ST6GALNAC3: variants seen among roughly 807,000 people sequenced by gnomAD.
ST6GALNAC3 encodes ST6 N-acetylgalactosaminide alpha-2,6-sialyltransferase 3.
Under a neutral mutation model 32.7 loss-of-function variants are expected in ST6GALNAC3, and 25 were observed. The observed-to-expected ratio is 0.76, with a 90% CI of 0.56 to 1.07. ST6GALNAC3 has a LOEUF of 1.07. Among genes scored for constraint, ST6GALNAC3 ranks in the 50% least tolerant of loss-of-function variants. The probability of loss-of-function intolerance (pLI) is 0.00; values close to 1 mark genes in which losing one functional copy is unlikely to be tolerated. For missense variants in ST6GALNAC3, 355 were observed against 382.4 expected, an observed-to-expected ratio of 0.93 and a Z score of 0.60; for synonymous variants, 129 against 133.1, an observed-to-expected ratio of 0.97 and a Z score of 0.21.
At chr1:76,089,244 GGTTTCACTGT>G (rs1314968579) in intron 1 of ST6GALNAC3, among the ~76,000 whole-genome samples, 2 of 151,922 alleles carry the variant, frequency 1.3e-5, no homozygotes, top group Non-Finnish European at 2.9e-5. Context: ...GAAGAGACGG[GGTTTCACTGT>G]GTTAGCCAGG....
chr1:76,185,646 T>C (rs1257052136), intron 1 of ST6GALNAC3, among the ~76,000 whole-genome samples: 2 of 152,166 alleles, frequency 1.3e-5, no homozygotes, highest in Non-Finnish European at 2.9e-5. Context: ...GCAGAAACTT[T>C]ATGGAGCACA....
intron 3 of ST6GALNAC3, among the ~76,000 whole-genome samples, chr1:76,483,666 T>C (rs1659892398): frequency 6.6e-6 from 1 of 152,230 alleles, no homozygotes; most frequent in African/African-American, 2.4e-5. Context: ...TTCCATTCTG[T>C]AGGTTGCCTG....
chr1:76,589,542 C>A (rs1647015198), intron 3 of ST6GALNAC3, among the ~76,000 whole-genome samples: 1 of 151,872 alleles, frequency 6.6e-6, no homozygotes, highest in Admixed American at 6.6e-5. Context: ...TATAAGAATT[C>A]AGACAATGAA....
intron 3 of ST6GALNAC3, among the ~76,000 whole-genome samples, chr1:76,445,647 T>C (rs1656918228): frequency 6.6e-6 from 1 of 152,188 alleles, no homozygotes; most frequent in African/African-American, 2.4e-5. Context: ...TGCATATATT[T>C]TGTGATATGG....
chr1:76,164,199 T>C (rs184433592), intron 1 of ST6GALNAC3, among the ~76,000 whole-genome samples: 4 of 152,322 alleles, frequency 2.6e-5, no homozygotes, highest in Admixed American at 2.0e-4. Context: ...GATATGCTGA[T>C]AGGCTGCTGC....
intron 1 of ST6GALNAC3, among the ~76,000 whole-genome samples, chr1:76,156,357 G>A (rs1333027939): frequency 3.3e-5 from 5 of 152,066 alleles, no homozygotes; most frequent in Non-Finnish European, 7.4e-5. Flanking sequence ...TAAGGAGGGG[G>A]AGTTATATTC....
intron 4 of ST6GALNAC3, 84 bp downstream of exon 4, chr1:76,627,643 C>T (rs1031981081): frequency 3.9e-6 from 4 of 1,025,558 alleles, no homozygotes; most frequent in Non-Finnish European, 6.0e-6. Flanking sequence ...TACCATAAAT[C>T]TGAGAAACAG....
At chr1:76,158,936 G>A (rs933116105) in intron 1 of ST6GALNAC3, among the ~76,000 whole-genome samples, 12 of 152,166 alleles carry the variant, frequency 7.9e-5, no homozygotes, top group African/African-American at 2.9e-4. Context: ...AAGCTGGCAA[G>A]GGACTGAGCC....
intron 1 of ST6GALNAC3, among the ~76,000 whole-genome samples, chr1:76,282,186 T>G (rs1659535422): frequency 6.6e-6 from 1 of 152,076 alleles, no homozygotes. Flanking sequence ...TTTCCTTCCC[T>G]TTGTCCTGCC....
At chr1:76,327,673 T>C (rs1647103618) in intron 2 of ST6GALNAC3, among the ~76,000 whole-genome samples, 1 of 152,178 alleles carries the variant, frequency 6.6e-6, no homozygotes, top group East Asian at 1.9e-4. Context: ...CACTGCAACC[T>C]CCACCTCCTG....
At chr1:76,412,515 T>C in intron 3 of ST6GALNAC3, 98 bp downstream of exon 3, 3 of 1,235,422 alleles carry the variant, frequency 2.4e-6, no homozygotes, top group Non-Finnish European at 3.3e-6. Flanking sequence ...CAGTTATTTA[T>C]TTACGCTGAT....
intron 3 of ST6GALNAC3, among the ~76,000 whole-genome samples, chr1:76,537,489 A>G (rs1547341): frequency 0.66 from 99,987 of 151,846 alleles, 34,507 homozygotes; most frequent in Non-Finnish European, 0.76. Context: ...TGAATGAGAT[A>G]GAGACATGAA....
At chr1:76,226,268 C>T (rs1176215213) in intron 1 of ST6GALNAC3, among the ~76,000 whole-genome samples, 1 of 152,240 alleles carries the variant, frequency 6.6e-6, no homozygotes, top group African/African-American at 2.4e-5. Flanking sequence ...TCCTAAGGTA[C>T]ATCTGTGATT....
At chr1:76,160,603 A>C (rs904135628) in intron 1 of ST6GALNAC3, among the ~76,000 whole-genome samples, 7 of 152,198 alleles carry the variant, frequency 4.6e-5, no homozygotes, top group Admixed American at 1.3e-4. Flanking sequence ...GTGTTCTACA[A>C]ACTAGCCAGG....
At chr1:76,120,244 G>T (rs1648782434) in intron 1 of ST6GALNAC3, among the ~76,000 whole-genome samples, 1 of 152,212 alleles carries the variant, frequency 6.6e-6, no homozygotes, top group Non-Finnish European at 1.5e-5. Context: ...AGAGTGCTGA[G>T]GGTGGGATTT....
At chr1:76,239,464 G>A (rs1030097717) in intron 1 of ST6GALNAC3, among the ~76,000 whole-genome samples, 4 of 152,234 alleles carry the variant, frequency 2.6e-5, no homozygotes, top group Non-Finnish European at 4.4e-5. Context: ...GTGCCAGTGT[G>A]TGCTTTTGGT....
intron 3 of ST6GALNAC3, among the ~76,000 whole-genome samples, chr1:76,469,760 A>G (rs560616969): frequency 6.6e-6 from 1 of 152,202 alleles, no homozygotes; most frequent in African/African-American, 2.4e-5. Context: ...GGTTGTGACC[A>G]GTTTGTAGTA....
chr1:76,289,501 G>T (rs555458153), intron 1 of ST6GALNAC3, among the ~76,000 whole-genome samples: 1 of 152,330 alleles, frequency 6.6e-6, no homozygotes, highest in South Asian at 2.1e-4. Flanking sequence ...CAGCAGGGGT[G>T]ATAGCACCCT....
intron 3 of ST6GALNAC3, among the ~76,000 whole-genome samples, chr1:76,555,292 A>G (rs1270661770): frequency 6.6e-6 from 1 of 152,200 alleles, no homozygotes; most frequent in Non-Finnish European, 1.5e-5. Flanking sequence ...TAATTAAATA[A>G]TAAAATGTCA....
Sources: allele counts gnomAD v4.1 joint callset (sites outside exome capture counted in the v4.1 genomes callset), GRCh38; gene constraint gnomAD v4.1.1; transcripts MANE v1.5; gene names NCBI Gene and HGNC (gene_info 2026-07-23, HGNC 2026-07-21).